The following RAB7A variants were observed in gnomAD, a reference collection of about 807,000 sequenced individuals.
RAB7A encodes the protein ras-related protein Rab-7a.
Under a neutral mutation model 24.5 loss-of-function variants are expected in RAB7A, and 2 were observed. The observed-to-expected ratio is 0.08, with a 90% CI of 0.03 to 0.26. The LOEUF (loss-of-function observed/expected upper bound fraction) is 0.26. Among genes scored for constraint, RAB7A ranks in the 10% least tolerant of loss-of-function variants. RAB7A has a pLI of 1.00. For missense variants in RAB7A, 118 were observed against 255.7 expected (o/e 0.46, Z 3.67); for synonymous variants, 100 against 95.9 (o/e 1.04, Z -0.25).
intron 1 of RAB7A, among the ~76,000 whole-genome samples, chr3:128,746,070 A>G (rs764921721): frequency 1.3e-5 from 2 of 152,200 alleles, no homozygotes; most frequent in Non-Finnish European, 2.9e-5. Flanking sequence ...ATAGACTCGG[A>G]TATTCTGAAA....
At chr3:128,803,050 T>G (rs1310278560) in intron 3 of RAB7A, among the ~76,000 whole-genome samples, 1 of 152,122 alleles carries the variant, frequency 6.6e-6, no homozygotes, top group East Asian at 1.9e-4. Flanking sequence ...CCTCAGGTGA[T>G]CCACCTACCT....
intron 1 of RAB7A, among the ~76,000 whole-genome samples, chr3:128,773,402 G>A (rs1198760205): frequency 6.6e-6 from 1 of 150,772 alleles, no homozygotes; most frequent in Non-Finnish European, 1.5e-5. Flanking sequence ...CTGCCCGGCA[G>A]CCACCCCGTC....
chr3:128,813,640 C>T lies in RAB7A; in HGVS notation c.*218C>T. 1.7e-6 allele frequency: 1 copy of T among 583,614 alleles called. No homozygotes were observed. The highest frequency in any genetic ancestry group is 2.4e-5 in the Admixed American group (1 of 41,162). 36.2% of individuals were successfully genotyped at this position (583,614 alleles called of 1,614,324 possible). ...ACACAGATCTGACGTAATCAAACTC[C>T]AGCCCTTGCCCGTGATGGCTCCTTG... On this transcript the variant is annotated 3_prime_UTR_variant, in exon 6 of 6. Transcript: ENST00000265062.
At position 128,774,403 on chromosome 3, in the gene RAB7A, C is replaced by G. The variant is rs145022560; in HGVS notation, c.-8-20957C>G. Among the ~76,000 whole-genome samples the G allele has an allele frequency of 5.3e-5, 8 of 151,570 alleles. No homozygotes were observed. The East Asian group carries it at 1.6e-3, about 29-fold the overall frequency. On this transcript the variant is annotated intron_variant, in intron 1 of 5. Transcript: ENST00000265062. ...TGGGAGAGGGTGGCAAAAAAGTTCA[C>G]CTTTCAACCAGTCTTCCAGTCAGTT...
At chr3:128,754,243 A>ATC (rs2070710986) in intron 1 of RAB7A, among the ~76,000 whole-genome samples, 1 of 152,198 alleles carries the variant, frequency 6.6e-6, no homozygotes, top group Admixed American at 6.5e-5. Flanking sequence ...CACACAACAC[A>ATC]TTGAGATGTA....
chr3:128,793,693 A>G (rs1576297964), intron 1 of RAB7A, among the ~76,000 whole-genome samples: 1 of 152,270 alleles, frequency 6.6e-6, no homozygotes, highest in Admixed American at 6.5e-5. Flanking sequence ...CTCCACATAT[A>G]ATGGATAGTT....
rs144912917 is a variant in RAB7A, at chr3:128,770,311, C to T, written c.-8-25049C>T. Reference sequence around the variant, plus strand: ...GTGAGCCACCACACCCAGCCCACAACTTACTTTTCGTTTGGTGACGTGGAA... The same window carrying T: ...GTGAGCCACCACACCCAGCCCACAATTTACTTTTCGTTTGGTGACGTGGAA... On this transcript the variant is annotated intron_variant, in intron 1 of 5. Transcript: ENST00000265062. Among the ~76,000 whole-genome samples the T allele has an allele frequency of 8.8e-4, 134 of 152,290 alleles. 1 individual carries two copies. The highest frequency in any genetic ancestry group is 3.1e-3 in the African/African-American group (127 of 41,572).
chr3:128,793,056 C>T (rs2107609984), intron 1 of RAB7A, among the ~76,000 whole-genome samples: 1 of 151,878 alleles, frequency 6.6e-6, no homozygotes, highest in African/African-American at 2.4e-5. Context: ...CGGAGTCTCG[C>T]TCTGTCGCCT....
intron 1 of RAB7A, among the ~76,000 whole-genome samples, chr3:128,749,791 C>G (rs2070658161): frequency 6.6e-6 from 1 of 152,326 alleles, no homozygotes; most frequent in African/African-American, 2.4e-5. Flanking sequence ...GTGAGGCTTC[C>G]CCAGCCACGT....
intron 1 of RAB7A, among the ~76,000 whole-genome samples, chr3:128,787,911 A>G (rs1576295323): frequency 6.6e-6 from 1 of 152,198 alleles, no homozygotes; most frequent in Non-Finnish European, 1.5e-5. Context: ...CTGGGTTTCA[A>G]CATGTTGCCC....
intron 1 of RAB7A, among the ~76,000 whole-genome samples, chr3:128,764,091 G>A (rs930088188): frequency 1.3e-5 from 2 of 152,112 alleles, no homozygotes; most frequent in African/African-American, 4.8e-5. Flanking sequence ...GGGAGGACAT[G>A]AGAAGCCACA....
At chr3:128,744,470 TATG>T (rs1243282950) in intron 1 of RAB7A, among the ~76,000 whole-genome samples, 1 of 152,218 alleles carries the variant, frequency 6.6e-6, no homozygotes, top group Admixed American at 6.5e-5. Flanking sequence ...TTATTTGAAA[TATG>T]ATGCATTATT....
intron 1 of RAB7A, among the ~76,000 whole-genome samples, chr3:128,776,981 C>T (rs997999640): frequency 1.3e-5 from 2 of 150,092 alleles, no homozygotes; most frequent in Non-Finnish European, 2.9e-5. Context: ...CACACACACA[C>T]ACACACCCCT....
intron 1 of RAB7A, among the ~76,000 whole-genome samples, chr3:128,726,894 G>T (rs1287302646): frequency 6.6e-6 from 1 of 152,238 alleles, no homozygotes; most frequent in Non-Finnish European, 1.5e-5. Context: ...ACGTGCGCTG[G>T]GCTCGCCTCG....
intron 3 of RAB7A, among the ~76,000 whole-genome samples, chr3:128,804,122 C>A (rs1387465043): frequency 6.6e-6 from 1 of 151,292 alleles, no homozygotes; most frequent in Non-Finnish European, 1.5e-5. Flanking sequence ...GGGCCCCCCC[C>A]CGCCCCCAGC....
At chr3:128,787,647 G>A (rs2107607666) in intron 1 of RAB7A, among the ~76,000 whole-genome samples, 1 of 152,324 alleles carries the variant, frequency 6.6e-6, no homozygotes, top group African/African-American at 2.4e-5. Flanking sequence ...CTCTTTATCT[G>A]CAGTCAATCG....
At chr3:128,754,024 C>A (rs142699646) in intron 1 of RAB7A, among the ~76,000 whole-genome samples, 19 of 151,966 alleles carry the variant, frequency 1.3e-4, no homozygotes, top group African/African-American at 4.3e-4. Flanking sequence ...AAAAGCTTAA[C>A]GAGTTTGTTA....
At chr3:128,770,137 G>C (rs1411019955) in intron 1 of RAB7A, among the ~76,000 whole-genome samples, 2 of 151,896 alleles carry the variant, frequency 1.3e-5, no homozygotes, top group Non-Finnish European at 2.9e-5. Flanking sequence ...TGAGTAGCTG[G>C]GACTACAGGC....
intron 1 of RAB7A, among the ~76,000 whole-genome samples, chr3:128,794,139 G>A (rs1187044872): frequency 1.3e-5 from 2 of 152,156 alleles, no homozygotes; most frequent in Admixed American, 6.5e-5. Flanking sequence ...GGAAAGAGAG[G>A]GATAGCTGGA....
Sources: gnomAD v4.1 joint callset for allele counts (sites outside exome capture counted in the v4.1 genomes callset) on GRCh38, gnomAD v4.1.1 for gene constraint, MANE v1.5 for transcripts, NCBI Gene and HGNC (gene_info 2026-07-23, HGNC 2026-07-21) for gene names.